Variants in LARP4 observed in about 807,000 individuals in gnomAD.
LARP4 encodes the protein La ribonucleoprotein 4, also known as la-related protein 4.
In LARP4, 29 loss-of-function variants were observed where a neutral mutation model predicts 92.9. The ratio of observed to expected loss-of-function variants is 0.31; its 90% CI spans 0.23 to 0.43. The LOEUF is 0.43. LARP4 is among the 20% of genes least tolerant of loss of function. The probability of loss-of-function intolerance (pLI) is 1.00; values close to 1 mark genes in which losing one functional copy is unlikely to be tolerated. For missense variants in LARP4, 732 were observed against 860.0 expected (o/e 0.85, Z 1.86); for synonymous variants, 279 against 284.1 (o/e 0.98, Z 0.18).
At chr12:50,450,590 C>T (rs992396039) in intron 8 of LARP4, among the ~76,000 whole-genome samples, 1 of 152,102 alleles carries the variant, frequency 6.6e-6, no homozygotes, top group Non-Finnish European at 1.5e-5. Context: ...AATCCGCCTC[C>T]TGGGTTCAAG....
intron 1 of LARP4, among the ~76,000 whole-genome samples, chr12:50,408,188 T>C (rs113167276): frequency 1.7e-4 from 2 of 11,790 alleles, no homozygotes; most frequent in Non-Finnish European, 1.1e-3. Flanking sequence ...GATTTTCTGC[T>C]TTTTTTTTTT....
chr12:50,447,354 A>G (rs1224039967), intron 8 of LARP4, among the ~76,000 whole-genome samples: 3 of 152,202 alleles, frequency 2.0e-5, no homozygotes, highest in East Asian at 3.8e-4. Context: ...AACAGTAAAT[A>G]TTATAGATGT....
intron 11 of LARP4, 38 bp from the exon 12 acceptor site, chr12:50,462,544 T>TGC: frequency 7.8e-6 from 6 of 774,026 alleles, no homozygotes; most frequent in Non-Finnish European, 8.9e-6. Flanking sequence ...GACTTGTCCC[T>TGC]CCACCCCACC....
chr12:50,430,381 G>A, intron 3 of LARP4, 114 bp from the exon 4 acceptor site: 1 of 606,836 alleles, frequency 1.6e-6, no homozygotes, highest in Non-Finnish European at 3.0e-6. Context: ...CAATAGCTTT[G>A]TGGTGAATTT....
chr12:50,430,502 C>T lies in LARP4; in HGVS notation c.330C>T (p.Ser110=). The T allele has an allele frequency of 6.3e-7, 1 of 1,594,426 alleles. No homozygotes were observed. Among genetic ancestry groups the T allele is most frequent in the African/African-American group, 1.3e-5 (1 of 74,328 alleles). The change falls in exon 4 of 16, where the codon AGC becomes AGT. Residue 110 remains serine, a synonymous_variant. Coordinates refer to ENST00000398473, the MANE Select transcript of LARP4 (RefSeq NM_052879.5). ...SYQIYDVSGE[S]NSAVSTEDLK... ...CTTCTTTTCTACCATCAGGAGAAAG[C>T]AATTCAGCAGTTTCTACAGAAGACC...
intron 1 of LARP4, among the ~76,000 whole-genome samples, chr12:50,423,367 G>A (rs73111692): frequency 0.044 from 6,680 of 152,152 alleles, 199 homozygotes; most frequent in Non-Finnish European, 0.061. Context: ...AGAATGCGTC[G>A]GTGTTTGTGT....
chr12:50,475,567 C>T lies in LARP4; in HGVS notation c.1878C>T (p.Pro626=), dbSNP rs745892460. The T allele has an allele frequency of 3.7e-6, 6 of 1,613,842 alleles. No homozygotes were observed. Among genetic ancestry groups the T allele is most frequent in the Admixed American group, 3.3e-5 (2 of 59,968 alleles). ...GTTATGCTGAAGTGTGCCAGAAGCCCCCTAAAGAGCCATCTTCAGTTCTTG... is the reference window on the plus strand; with the variant it reads ...GTTATGCTGAAGTGTGCCAGAAGCCTCCTAAAGAGCCATCTTCAGTTCTTG... ...KLSYAEVCQK[P]PKEPSSVLVQ... The change falls in exon 16 of 16, where the codon CCC becomes CCT. Residue 626 remains proline (P), a synonymous_variant. Coordinates refer to ENST00000398473, the MANE Select transcript of LARP4 (RefSeq NM_052879.5).
rs980368186 is a variant in LARP4 at position 50,425,485 on chromosome 12, A to C, written c.19-2277A>C. On this transcript the variant is annotated intron_variant, in intron 1 of 15. Transcript: ENST00000398473. ...ATTTTCTCCTATTGAAAAATGCTTA[A>C]TGTCAAATACTGTTGACATGGCAGG... Among the ~76,000 whole-genome samples, 9 of 152,340 alleles carry C rather than the reference A, an allele frequency of 5.9e-5. No individual in the cohort carries two copies. The South Asian group carries it at 1.7e-3, about 28-fold the overall frequency.
Position 50,474,120 on chromosome 12 carries a change from TCAC to T in LARP4, c.1792_1794del (p.Pro598del). 1 of 1,613,610 alleles carries T rather than the reference TCAC, an allele frequency of 6.2e-7. No homozygotes were observed. The highest frequency in any genetic ancestry group is 8.5e-7 in the Non-Finnish European group (1 of 1,179,862). On this transcript the variant is annotated inframe_deletion, in exon 15 of 16. Transcript: ENST00000398473. The stretch of plus-strand genomic sequence containing the variant: ...AAAGCCATCGAGGGCAAGTACTGCT[TCAC>T]CATGTAATAATAACATAAATGCAGC...
intron 8 of LARP4, among the ~76,000 whole-genome samples, chr12:50,449,403 A>G (rs570866679): frequency 6.6e-6 from 1 of 152,166 alleles, no homozygotes; most frequent in Admixed American, 6.5e-5. Context: ...GTTTAACATG[A>G]TTCTCTGTCC....
intron 1 of LARP4, among the ~76,000 whole-genome samples, chr12:50,409,492 G>A (rs1945451540): frequency 6.6e-6 from 1 of 152,136 alleles, no homozygotes; most frequent in Non-Finnish European, 1.5e-5. Flanking sequence ...CAGGTGCAGT[G>A]GCTCATGCCT....
At chr12:50,471,886 T>C (rs1956977643) in intron 13 of LARP4, among the ~76,000 whole-genome samples, 1 of 152,200 alleles carries the variant, frequency 6.6e-6, no homozygotes, top group Admixed American at 6.5e-5. Flanking sequence ...GCACTAATCC[T>C]TTGTCAGTTA....
At chr12:50,401,994 A>C (rs1943937367) in intron 1 of LARP4, among the ~76,000 whole-genome samples, 1 of 152,182 alleles carries the variant, frequency 6.6e-6, no homozygotes, top group African/African-American at 2.4e-5. Context: ...TGAAAACGTC[A>C]AACCAGCAAA....
intron 13 of LARP4, among the ~76,000 whole-genome samples, chr12:50,467,601 C>T (rs1212788702): frequency 6.6e-6 from 1 of 152,154 alleles, no homozygotes; most frequent in Non-Finnish European, 1.5e-5. Context: ...CCACGCCCAG[C>T]CTTGCATGTC....
intron 8 of LARP4, among the ~76,000 whole-genome samples, chr12:50,447,786 T>A (rs1023273469): frequency 5.3e-5 from 8 of 152,092 alleles, no homozygotes; most frequent in African/African-American, 1.7e-4. Flanking sequence ...CTGACTCAAG[T>A]GATCTTCCCA....
intron 13 of LARP4, among the ~76,000 whole-genome samples, chr12:50,469,981 G>A (rs547168498): frequency 1.3e-5 from 2 of 152,058 alleles, no homozygotes; most frequent in South Asian, 4.2e-4. Flanking sequence ...GCACTGTGGG[G>A]GTCCAAGGTG....
At chr12:50,468,803 G>A (rs1355741233) in intron 13 of LARP4, among the ~76,000 whole-genome samples, 1 of 152,080 alleles carries the variant, frequency 6.6e-6, no homozygotes, top group African/African-American at 2.4e-5. Flanking sequence ...AGTAAAAGAT[G>A]TTGCTAGTTA....
intron 13 of LARP4, among the ~76,000 whole-genome samples, chr12:50,470,354 T>TG (rs1212447887): frequency 6.6e-6 from 1 of 152,142 alleles, no homozygotes; most frequent in African/African-American, 2.4e-5. Context: ...CATAAAATAA[T>TG]GGTGTAGTTC....
At chr12:50,402,477 C>T (rs1358335959) in intron 1 of LARP4, among the ~76,000 whole-genome samples, 1 of 152,004 alleles carries the variant, frequency 6.6e-6, no homozygotes, top group African/African-American at 2.4e-5. Context: ...TATGTAAATA[C>T]CACAGGTTTT....
Sources: gnomAD v4.1 joint callset for allele counts (sites outside exome capture counted in the v4.1 genomes callset) on GRCh38, gnomAD v4.1.1 for gene constraint, MANE v1.5 for transcripts, NCBI Gene and HGNC (gene_info 2026-07-23, HGNC 2026-07-21) for gene names.